The following PDE4D variants were observed in gnomAD, a reference collection of about 807,000 sequenced individuals.
PDE4D encodes 3',5'-cyclic-AMP phosphodiesterase 4D.
Under a neutral mutation model 87.4 loss-of-function variants are expected in PDE4D, and 24 were observed. The ratio of observed to expected loss-of-function variants is 0.27; its 90% confidence interval spans 0.20 to 0.39. The LOEUF is 0.39. PDE4D is among the 10% of genes least tolerant of loss of function. The pLI, the probability that PDE4D is intolerant of heterozygous loss-of-function variation, is 1.00. For synonymous variants in PDE4D, 384 were observed against 383.2 expected (o/e 1.00, Z -0.02); for missense variants, 714 against 1,041.0 (o/e 0.69, Z 4.32).
intron 3 of PDE4D, among the ~76,000 whole-genome samples, chr5:59,964,399 C>T (rs1457229160): frequency 6.6e-6 from 1 of 152,140 alleles, no homozygotes; most frequent in African/African-American, 2.4e-5. Context: ...TTTTGTTGAT[C>T]TGCTTCTTCA....
At position 59,689,835 on chromosome 5, in the gene PDE4D, C is replaced by T. The variant is rs192975083; in HGVS notation, c.455+203333G>A. ...ATTTAGAAAACCCCATCGTCTCAGC[C>T]CAAAATCTCCTTAATCTGATAAGCA... On this transcript the variant is annotated intron_variant, in intron 1 of 14. Transcript: ENST00000340635. 5.6e-3 allele frequency among the ~76,000 whole-genome samples: 858 copies of T among 152,176 alleles called. 5 individuals are homozygous for T. The highest frequency in any genetic ancestry group is 8.0e-3 in the Non-Finnish European group (547 of 68,012).
At chr5:60,044,836 T>A (rs1327966988) in intron 2 of PDE4D, among the ~76,000 whole-genome samples, 1 of 152,212 alleles carries the variant, frequency 6.6e-6, no homozygotes, top group South Asian at 2.1e-4. Context: ...CGTGTGCATG[T>A]GTCTTTATAG....
At chr5:59,528,987 G>C (rs990964134) in intron 1 of PDE4D, 1 of 458,056 alleles carries the variant, frequency 2.2e-6, no homozygotes, top group Non-Finnish European at 4.4e-6. Flanking sequence ...TAAGAGCCCA[G>C]CTGAAACAAG....
At chr5:60,388,503 C>T (rs897793890) in intron 1 of PDE4D, among the ~76,000 whole-genome samples, 3 of 152,118 alleles carry the variant, frequency 2.0e-5, no homozygotes, top group African/African-American at 7.2e-5. Context: ...AGTTCCCTCC[C>T]CTCACTGGTG....
intron 1 of PDE4D, among the ~76,000 whole-genome samples, chr5:59,242,120 G>A (rs190687595): frequency 6.6e-6 from 1 of 152,208 alleles, no homozygotes; most frequent in East Asian, 1.9e-4. Context: ...GTCAGGCATG[G>A]TGGCCCACAC....
At chr5:59,306,326 T>C (rs1325955732) in intron 1 of PDE4D, among the ~76,000 whole-genome samples, 7 of 152,194 alleles carry the variant, frequency 4.6e-5, no homozygotes, top group African/African-American at 1.7e-4. Context: ...AGTTGGTTGG[T>C]GAGTTCTTAT....
At chr5:59,009,037 T>C (rs1248297133) in intron 6 of PDE4D, among the ~76,000 whole-genome samples, 5 of 152,114 alleles carry the variant, frequency 3.3e-5, no homozygotes, top group African/African-American at 1.2e-4. Context: ...CACTACATAC[T>C]TACTAGAATG....
At chr5:59,420,124 G>A (rs1366544316) in intron 1 of PDE4D, among the ~76,000 whole-genome samples, 1 of 152,164 alleles carries the variant, frequency 6.6e-6, no homozygotes, top group African/African-American at 2.4e-5. Context: ...GTCCTTGGAT[G>A]GTGAAACTGT....
At chr5:60,218,487 T>C (rs572923075) in intron 1 of PDE4D, among the ~76,000 whole-genome samples, 18 of 151,986 alleles carry the variant, frequency 1.2e-4, no homozygotes, top group East Asian at 3.9e-4. Context: ...TATACTTTCC[T>C]ATCTGTGTAT....
intron 1 of PDE4D, among the ~76,000 whole-genome samples, chr5:59,411,779 G>A (rs756001292): frequency 1.9e-4 from 29 of 152,068 alleles, no homozygotes; most frequent in Non-Finnish European, 3.7e-4. Context: ...CATTTTGAGA[G>A]GACACAATTC....
chr5:60,280,362 A>G (rs1194210326), intron 1 of PDE4D, among the ~76,000 whole-genome samples: 1 of 151,196 alleles, frequency 6.6e-6, no homozygotes, highest in Non-Finnish European at 1.5e-5. Context: ...AATATCCAAG[A>G]TTTTTAGTTG....
chr5:59,580,074 T>C (rs1823835944), intron 1 of PDE4D, among the ~76,000 whole-genome samples: 1 of 152,172 alleles, frequency 6.6e-6, no homozygotes, highest in South Asian at 2.1e-4. Flanking sequence ...ACAGGGTAAA[T>C]CTGCTTATTT....
rs116377399 is a variant in PDE4D at position 60,025,243 on chromosome 5, G to A, written c.43-36526C>T. Among the ~76,000 whole-genome samples, 1,497 of 152,196 alleles carry A rather than the reference G, an allele frequency of 9.8e-3. 12 individuals are homozygous for A. The highest frequency in any genetic ancestry group is 0.016 in the Non-Finnish European group (1,060 of 68,006). ...ACTTGAAAGTAGAACTTATGAAAAC[G>A]TTTGCAGCAAGATGTGAGCATTAGA... is the stretch of plus-strand genomic sequence containing the variant. On this transcript the variant is annotated intron_variant, in intron 2 of 16. Coordinates refer to the PDE4D transcript ENST00000502484.
chr5:59,366,256 T>C (rs977845720), intron 1 of PDE4D, among the ~76,000 whole-genome samples: 11 of 152,040 alleles, frequency 7.2e-5, no homozygotes, highest in African/African-American at 2.7e-4. Context: ...TAAGTCTCTA[T>C]GTTTTCTTCT....
At chr5:59,126,649 T>C (rs1315075061) in intron 5 of PDE4D, among the ~76,000 whole-genome samples, 1 of 152,218 alleles carries the variant, frequency 6.6e-6, no homozygotes, top group Non-Finnish European at 1.5e-5. Flanking sequence ...TTTCACATAA[T>C]TCAATTTATT....
At chr5:59,688,680 G>A (rs12153145) in intron 1 of PDE4D, among the ~76,000 whole-genome samples, 26,738 of 151,974 alleles carry the variant, frequency 0.18, 3,080 homozygotes, top group South Asian at 0.26. Context: ...AAGAGCAAAC[G>A]CATTCAAAAG....
At chr5:59,625,735 T>C (rs1440225937) in intron 1 of PDE4D, among the ~76,000 whole-genome samples, 3 of 152,192 alleles carry the variant, frequency 2.0e-5, no homozygotes, top group African/African-American at 7.2e-5. Flanking sequence ...AAAAGAACAT[T>C]CTCTTTCAAA....
intron 1 of PDE4D, among the ~76,000 whole-genome samples, chr5:59,818,029 A>G (rs1769194829): frequency 6.6e-6 from 1 of 152,154 alleles, no homozygotes; most frequent in Non-Finnish European, 1.5e-5. Context: ...GGTTAGGGAG[A>G]CACTCTGAGG....
chr5:59,366,274 A>G (rs1783041048), intron 1 of PDE4D, among the ~76,000 whole-genome samples: 1 of 152,008 alleles, frequency 6.6e-6, no homozygotes, highest in Non-Finnish European at 1.5e-5. Flanking sequence ...TCTGGAGTCT[A>G]TTTTGAAGGG....
Sources: allele counts gnomAD v4.1 joint callset (sites outside exome capture counted in the v4.1 genomes callset), GRCh38; gene constraint gnomAD v4.1.1; transcripts MANE v1.5; gene names NCBI Gene and HGNC (gene_info 2026-07-23, HGNC 2026-07-21).